Variants in ZFPM2 observed in about 807,000 individuals in gnomAD.
ZFPM2 encodes the protein zinc finger protein, FOG family member 2.
A neutral mutation model predicts 98.6 loss-of-function variants in ZFPM2; 20 were observed. The observed-to-expected ratio is 0.20, with a 90% CI of 0.14 to 0.29. The LOEUF is 0.29. ZFPM2 is among the 10% of genes least tolerant of loss of function. The probability of loss-of-function intolerance (pLI) is 1.00; values close to 1 mark genes in which losing one functional copy is unlikely to be tolerated. For synonymous variants in ZFPM2, 518 were observed against 502.7 expected (o/e 1.03, Z -0.41); for missense variants, 1,310 against 1,388.6 (o/e 0.94, Z 0.90).
intron 3 of ZFPM2, among the ~76,000 whole-genome samples, chr8:105,495,147 G>A (rs961891243): frequency 3.3e-5 from 5 of 152,256 alleles, no homozygotes; most frequent in Admixed American, 1.3e-4. Context: ...CCAGTCTTCT[G>A]TTTATCAAAG....
At chr8:105,740,284 C>T (rs1048238338) in intron 5 of ZFPM2, among the ~76,000 whole-genome samples, 5 of 151,640 alleles carry the variant, frequency 3.3e-5, no homozygotes, top group Non-Finnish European at 5.9e-5. Context: ...AAGAGAGGAA[C>T]AAAAATAATT....
chr8:105,352,398 T>A (rs1812665901), intron 1 of ZFPM2, among the ~76,000 whole-genome samples: 1 of 152,212 alleles, frequency 6.6e-6, no homozygotes, highest in African/African-American at 2.4e-5. Context: ...ACATAGTTTT[T>A]CTTAACATTC....
chr8:105,670,656 A>T (rs187542735), intron 5 of ZFPM2, among the ~76,000 whole-genome samples: 3 of 152,248 alleles, frequency 2.0e-5, no homozygotes, highest in African/African-American at 7.2e-5. Flanking sequence ...CCCTGACCCC[A>T]TCTTTTAAAA....
At chr8:105,586,862 A>G (rs1815730296) in intron 4 of ZFPM2, among the ~76,000 whole-genome samples, 1 of 148,524 alleles carries the variant, frequency 6.7e-6, no homozygotes, top group African/African-American at 2.5e-5. Context: ...ATATATATAT[A>G]TATTCTTTTG....
At chr8:105,368,600 T>C (rs1006804900) in intron 1 of ZFPM2, among the ~76,000 whole-genome samples, 6 of 152,216 alleles carry the variant, frequency 3.9e-5, no homozygotes, top group African/African-American at 1.4e-4. Context: ...TTTATTTCAT[T>C]ATGTAACTGA....
chr8:105,548,522 T>G (rs1462649416), intron 3 of ZFPM2, among the ~76,000 whole-genome samples: 3 of 152,134 alleles, frequency 2.0e-5, no homozygotes, highest in Non-Finnish European at 4.4e-5. Flanking sequence ...CTGGCAGTGA[T>G]TTTTATCTCA....
intron 5 of ZFPM2, among the ~76,000 whole-genome samples, chr8:105,711,110 T>C (rs1014541026): frequency 6.6e-5 from 10 of 152,098 alleles, no homozygotes; most frequent in Non-Finnish European, 1.3e-4. Context: ...CTCTGTGGGC[T>C]AACGATAGTT....
At chr8:105,625,102 A>G (rs1049317197) in intron 4 of ZFPM2, among the ~76,000 whole-genome samples, 2 of 152,170 alleles carry the variant, frequency 1.3e-5, no homozygotes, top group African/African-American at 2.4e-5. Context: ...TCATAAATCT[A>G]TTCTGTGCCT....
chr8:105,371,200 T>C (rs1810615631), intron 1 of ZFPM2, among the ~76,000 whole-genome samples: 1 of 152,208 alleles, frequency 6.6e-6, no homozygotes, highest in Non-Finnish European at 1.5e-5. Context: ...ACAGTGGTAT[T>C]GCTAGAACAT....
At chr8:105,761,591 A>G in intron 5 of ZFPM2, among the ~76,000 whole-genome samples, 1 of 151,900 alleles carries the variant, frequency 6.6e-6, no homozygotes, top group Non-Finnish European at 1.5e-5. Flanking sequence ...CAAGAATATC[A>G]GGATGGGTAT....
chr8:105,644,274 CT>C (rs1208275729), intron 5 of ZFPM2, among the ~76,000 whole-genome samples: 2 of 145,554 alleles, frequency 1.4e-5, no homozygotes, highest in Non-Finnish European at 3.0e-5. Flanking sequence ...TTTTATTTTT[CT>C]TTCTTTTCTT....
At chr8:105,659,609 G>T (rs977338721) in intron 5 of ZFPM2, among the ~76,000 whole-genome samples, 3 of 152,070 alleles carry the variant, frequency 2.0e-5, no homozygotes, top group Non-Finnish European at 4.4e-5. Flanking sequence ...TCTTGGAAAG[G>T]GCTATACAGA....
rs1222231645 is a variant in ZFPM2, at chr8:105,496,694, G to A, written c.301+52313G>A. Among the ~76,000 whole-genome samples the A allele has an allele frequency of 4.2e-5, 6 of 144,520 alleles. No individual in the cohort carries two copies. In the East Asian group the frequency reaches 8.2e-4, roughly 20 times the overall value. The allele number at this position is 144,520 out of a possible 152,430, so 94.8% of individuals were successfully genotyped here. On this transcript the variant is annotated intron_variant, in intron 3 of 7. Coordinates refer to ENST00000407775, the MANE Select transcript of ZFPM2 (RefSeq NM_012082.4). ...TTTGGTTTTTTTTTTTTTTTGAGAC[G>A]GAGTCAGGCCGGGCATGGTGGCTCA...
intron 5 of ZFPM2, among the ~76,000 whole-genome samples, chr8:105,689,611 G>C (rs551111779): frequency 6.6e-6 from 1 of 152,180 alleles, no homozygotes; most frequent in Non-Finnish European, 1.5e-5. Flanking sequence ...GTTGAAAACT[G>C]TTGAATCAGG....
chr8:105,427,379 A>C lies in ZFPM2; in HGVS notation c.199+8077A>C, dbSNP rs184844732. On this transcript the variant is annotated intron_variant, in intron 2 of 7. Coordinates refer to ENST00000407775, the MANE Select transcript of ZFPM2 (RefSeq NM_012082.4). ...ATATGAGTAACATATGATAATATGT[A>C]CTACTGTTTAGCATATGACAAACTA... is the stretch of plus-strand genomic sequence containing the variant. Among the ~76,000 whole-genome samples, 3 of 152,314 alleles carry C rather than the reference A, an allele frequency of 2.0e-5. No individual in the cohort carries two copies. In the East Asian group the frequency reaches 5.8e-4, roughly 29 times the overall value.
At chr8:105,427,215 G>A (rs1811932694) in intron 2 of ZFPM2, among the ~76,000 whole-genome samples, 1 of 152,042 alleles carries the variant, frequency 6.6e-6, no homozygotes, top group African/African-American at 2.4e-5. Context: ...TTTGCTTCAT[G>A]ACTCAGTATT....
chr8:105,481,054 T>TTA (rs1439313963), intron 3 of ZFPM2, among the ~76,000 whole-genome samples: 1 of 152,132 alleles, frequency 6.6e-6, no homozygotes, highest in African/African-American at 2.4e-5. Context: ...CTGGCTGGGA[T>TTA]TACATTTTTT....
At chr8:105,562,537 T>C (rs1249091234) in intron 4 of ZFPM2, among the ~76,000 whole-genome samples, 2 of 152,106 alleles carry the variant, frequency 1.3e-5, no homozygotes, top group African/African-American at 4.8e-5. Flanking sequence ...AATCAAGGTG[T>C]CTGCAGGTCT....
At chr8:105,476,780 A>G (rs986953043) in intron 3 of ZFPM2, among the ~76,000 whole-genome samples, 3 of 151,762 alleles carry the variant, frequency 2.0e-5, no homozygotes, top group Non-Finnish European at 4.4e-5. Flanking sequence ...TTTTAAAATT[A>G]GCATCTCAAA....
Sources: gnomAD v4.1 joint callset for allele counts (sites outside exome capture counted in the v4.1 genomes callset) on GRCh38, gnomAD v4.1.1 for gene constraint, MANE v1.5 for transcripts, NCBI Gene and HGNC (gene_info 2026-07-23, HGNC 2026-07-21) for gene names.